Variants in CASC3 observed in about 807,000 individuals in gnomAD.
CASC3 encodes protein CASC3.
In CASC3, 30 loss-of-function variants were observed where a neutral mutation model predicts 80.5. The observed-to-expected ratio is 0.37, with a 90% CI of 0.28 to 0.51. CASC3 has a LOEUF of 0.51. CASC3 is among the 20% of genes least tolerant of loss of function. The pLI is 0.94. For missense variants in CASC3, 824 were observed against 922.2 expected (o/e 0.89, Z 1.38); for synonymous variants, 312 against 333.6 (o/e 0.94, Z 0.70).
intron 3 of CASC3, among the ~76,000 whole-genome samples, chr17:40,142,722 A>G (rs940809412): frequency 6.6e-6 from 1 of 151,974 alleles, no homozygotes; most frequent in African/African-American, 2.4e-5. Flanking sequence ...CCCCGTCCCT[A>G]CTAAAAATAC....
intron 3 of CASC3, among the ~76,000 whole-genome samples, chr17:40,156,323 T>A (rs1989144000): frequency 1.3e-5 from 2 of 152,132 alleles, no homozygotes; most frequent in Admixed American, 1.3e-4. Flanking sequence ...GTGGGTATAG[T>A]CAAACAGTCT....
At position 40,140,723 on chromosome 17, in the gene CASC3, C is replaced by T. The variant is rs778663672; in HGVS notation, c.175C>T (p.Leu59Phe). The T allele has an allele frequency of 7.1e-6, 11 of 1,552,972 alleles. No individual in the cohort carries two copies. Among genetic ancestry groups the T allele is most frequent in the South Asian group, 2.4e-5 (2 of 84,986 alleles). The change falls in exon 1 of 14, where the codon CTT becomes TTT. Residue 59 changes from leucine to phenylalanine, a missense_variant. Leu to Phe is a conservative substitution (Grantham distance 22). Around this residue, in one of 3 missense-constraint regions of CASC3, gnomAD observed 159 missense variants for 122.2 expected, o/e 1.30. Transcript: ENST00000264645. ...PSQRGGRTGA[L>F]HLRRVESGGA... ...ACAGCGCGGAGGCCGAACCGGGGCCCTTCATCTGCGGCGGGTGGAGAGCGG... is the reference window on the plus strand; with the variant it reads ...ACAGCGCGGAGGCCGAACCGGGGCCTTTCATCTGCGGCGGGTGGAGAGCGG...
chr17:40,170,524 G>T lies in CASC3; in HGVS notation c.*119G>T, dbSNP rs1989567312. 1 of 985,536 alleles carries T rather than the reference G, an allele frequency of 1.0e-6. No homozygotes were observed. Among genetic ancestry groups the T allele is most frequent in the African/African-American group, 1.7e-5 (1 of 57,350 alleles). The allele number at this position is 985,536 out of a possible 1,614,324, so 61.0% of individuals were successfully genotyped here. Reference sequence around the variant, plus strand: ...GAAGGGCTTCAAAGATATAGGGTGTGGCTCCTACCAGCAAACAGCTGAAAG... The same window carrying T: ...GAAGGGCTTCAAAGATATAGGGTGTTGCTCCTACCAGCAAACAGCTGAAAG... On this transcript the variant is annotated 3_prime_UTR_variant, in exon 14 of 14. Transcript: ENST00000264645.
In CASC3 at chr17:40,140,998, G is replaced by A. The variant is rs989645718; in HGVS notation, c.232-209G>A. On this transcript the variant is annotated intron_variant, in intron 1 of 13. Transcript: ENST00000264645. Reference sequence around the variant, plus strand: ...CTGGGAGGATGGTAGAGCCGCTGGAGATGGAAAGCGGATGTTTTATTCAGA... The same window carrying A: ...CTGGGAGGATGGTAGAGCCGCTGGAAATGGAAAGCGGATGTTTTATTCAGA... 13 of 632,912 alleles carry A rather than the reference G, an allele frequency of 2.1e-5. No homozygotes were observed. In the African/African-American group the frequency reaches 2.4e-4, roughly 12 times the overall value. 39.2% of individuals were successfully genotyped at this position (632,912 alleles called of 1,614,324 possible). A position where few individuals can be genotyped will look rare whatever the true frequency, so the allele number is the denominator to read the frequency against.
chr17:40,153,600 A>G (rs893554780), intron 3 of CASC3, among the ~76,000 whole-genome samples: 1 of 152,068 alleles, frequency 6.6e-6, no homozygotes, highest in African/African-American at 2.4e-5. Context: ...GTGCTGCACC[A>G]TTTTACGTGA....
At chr17:40,161,102 C>A (rs1287620860) in intron 3 of CASC3, among the ~76,000 whole-genome samples, 1 of 151,938 alleles carries the variant, frequency 6.6e-6, no homozygotes, top group East Asian at 1.9e-4. Context: ...GCCTCAGCCT[C>A]CCGAGCAGCT....
intron 3 of CASC3, among the ~76,000 whole-genome samples, chr17:40,156,144 T>A (rs1366059305): frequency 6.6e-6 from 1 of 152,046 alleles, no homozygotes; most frequent in East Asian, 1.9e-4. Context: ...TTATTGTAAT[T>A]TCTGCTTGAA....
intron 3 of CASC3, among the ~76,000 whole-genome samples, chr17:40,145,763 T>A (rs186592158): frequency 1.2e-3 from 184 of 152,190 alleles, no homozygotes; most frequent in South Asian, 2.5e-3. Flanking sequence ...ATTCATTTTT[T>A]AAAAATTTTT....
rs779698182 is a variant in CASC3, at chr17:40,140,708, G to A, written c.160G>A (p.Gly54Ser). Residue 54 changes from glycine (G) to serine (S), a missense_variant, in exon 1 of 14, where the codon GGC becomes AGC. By Grantham distance (56) the Gly-to-Ser change is moderately conservative. This residue lies in a region of CASC3 where 159 missense variants were observed against 122.2 expected (regional missense o/e 1.30). Transcript: ENST00000264645. Reference protein sequence around the residue: ...GSGSLPSQRGGRTGALHLRRV... With the variant: ...GSGSLPSQRGSRTGALHLRRV... ...CGGCTCTCTGCCTTCACAGCGCGGA[G>A]GCCGAACCGGGGCCCTTCATCTGCG... The A allele has an allele frequency of 6.4e-7, 1 of 1,570,016 alleles. No homozygotes were observed. Among genetic ancestry groups the A allele is most frequent in the Non-Finnish European group, 8.6e-7 (1 of 1,159,640 alleles).
chr17:40,151,767 A>T (rs1192783648), intron 3 of CASC3, among the ~76,000 whole-genome samples: 1 of 151,970 alleles, frequency 6.6e-6, no homozygotes, highest in Non-Finnish European at 1.5e-5. Flanking sequence ...AGCAACCGCA[A>T]ATCTACTTTC....
intron 1 of CASC3, 188 bp downstream of exon 1, chr17:40,140,967 G>A (rs1325626362): frequency 4.7e-6 from 3 of 638,784 alleles, no homozygotes; most frequent in Admixed American, 6.4e-5. Flanking sequence ...GAAGGATTGG[G>A]GGTTTCTGGG....
chr17:40,146,676 G>A (rs974789554), intron 3 of CASC3, among the ~76,000 whole-genome samples: 5 of 152,066 alleles, frequency 3.3e-5, no homozygotes, highest in Admixed American at 6.6e-5. Flanking sequence ...TTGACCTGGT[G>A]ATCCGCCTGC....
rs1421962534 is a variant in CASC3 at position 40,152,266 on chromosome 17, T to A, written c.298-9487T>A. ...AATCCTCCCACCTCAGCCTCCTCAA[T>A]AGCTGGGACTACAGGCGTGCACTAC... On this transcript the variant is annotated intron_variant, in intron 3 of 13. Coordinates refer to ENST00000264645, the MANE Select transcript of CASC3 (RefSeq NM_007359.5). Among the ~76,000 whole-genome samples, 14 of 152,174 alleles carry A rather than the reference T, an allele frequency of 9.2e-5. 1 individual carries two copies. Among genetic ancestry groups the A allele is most frequent in the Non-Finnish European group, 2.1e-4 (14 of 68,010 alleles).
intron 3 of CASC3, among the ~76,000 whole-genome samples, chr17:40,158,241 A>G (rs1217459230): frequency 6.6e-6 from 1 of 152,192 alleles, no homozygotes; most frequent in African/African-American, 2.4e-5. Context: ...GAGTTTCTCA[A>G]TCAGGAATTC....
chr17:40,162,536 C>T (rs577341431), intron 5 of CASC3, among the ~76,000 whole-genome samples, 189 bp from the exon 6 acceptor site: 3 of 152,190 alleles, frequency 2.0e-5, no homozygotes, highest in African/African-American at 7.2e-5. Context: ...TATTTGAGCC[C>T]AGCAGGCCCT....
chr17:40,165,021 C>T (rs906374381), intron 7 of CASC3, among the ~76,000 whole-genome samples: 49 of 148,250 alleles, frequency 3.3e-4, no homozygotes, highest in Admixed American at 7.4e-4. Flanking sequence ...CCTGGGTTCA[C>T]GCCATTCTCC....
chr17:40,165,461 T>C (rs1989425123), intron 7 of CASC3, among the ~76,000 whole-genome samples: 1 of 152,008 alleles, frequency 6.6e-6, no homozygotes, highest in Non-Finnish European at 1.5e-5. Flanking sequence ...CCTAAAGCGC[T>C]GGGATTACAG....
intron 6 of CASC3, 75 bp from the exon 7 acceptor site, chr17:40,163,406 A>T: frequency 7.8e-7 from 1 of 1,285,678 alleles, no homozygotes; most frequent in Non-Finnish European, 1.1e-6. Context: ...AAGTGCTGGG[A>T]TTACAGGCCT....
chr17:40,148,849 T>TG (rs879859303), intron 3 of CASC3, among the ~76,000 whole-genome samples: 49 of 152,316 alleles, frequency 3.2e-4, no homozygotes, highest in Non-Finnish European at 5.1e-4. Flanking sequence ...TTTTGGGTCT[T>TG]GGGGGATACC....
Sources: allele counts gnomAD v4.1 joint callset (sites outside exome capture counted in the v4.1 genomes callset), GRCh38; gene constraint gnomAD v4.1.1; regional missense constraint gnomAD v4.1.1; transcripts MANE v1.5; gene names NCBI Gene and HGNC (gene_info 2026-07-23, HGNC 2026-07-21).